KCNB2: variants seen among roughly 807,000 people sequenced by gnomAD.
KCNB2 encodes the protein delayed rectifier potassium channel protein.
In KCNB2, 15 loss-of-function variants were observed where a neutral mutation model predicts 61.5. The ratio of observed to expected loss-of-function variants is 0.24; its 90% CI spans 0.16 to 0.38. The LOEUF (loss-of-function observed/expected upper bound fraction) is 0.38. Ranked by LOEUF, KCNB2 falls within the 10% of genes least tolerant of loss-of-function variation. The probability of loss-of-function intolerance (pLI) is 1.00; values close to 1 mark genes in which losing one functional copy is unlikely to be tolerated. For synonymous variants in KCNB2, 457 were observed against 446.0 expected (o/e 1.02, Z -0.31); for missense variants, 828 against 1,125.2 (o/e 0.74, Z 3.78).
intron 2 of KCNB2, among the ~76,000 whole-genome samples, chr8:72,688,355 C>T (rs1806887775): frequency 6.6e-6 from 1 of 152,116 alleles, no homozygotes; most frequent in Admixed American, 6.5e-5. Flanking sequence ...CCAAGTGCAT[C>T]AAGCTGTTTC....
intron 2 of KCNB2, among the ~76,000 whole-genome samples, chr8:72,769,036 T>C (rs148339909): frequency 0.015 from 2,305 of 152,136 alleles, 76 homozygotes; most frequent in African/African-American, 0.053. Flanking sequence ...GGCACATGCC[T>C]GTAATCCCAG....
At chr8:72,915,844 G>A (rs561846644) in intron 2 of KCNB2, among the ~76,000 whole-genome samples, 38 of 152,126 alleles carry the variant, frequency 2.5e-4, no homozygotes, top group Non-Finnish European at 3.8e-4. Context: ...GCATGAACCC[G>A]GGAGGCGGAG....
At chr8:72,760,824 A>T (rs1397776706) in intron 2 of KCNB2, among the ~76,000 whole-genome samples, 1 of 152,130 alleles carries the variant, frequency 6.6e-6, no homozygotes, top group Non-Finnish European at 1.5e-5. Context: ...ATGGTACCAA[A>T]GTCCTGGACT....
chr8:72,858,813 C>T (rs1400173961), intron 2 of KCNB2, among the ~76,000 whole-genome samples: 3 of 152,198 alleles, frequency 2.0e-5, no homozygotes, highest in Non-Finnish European at 2.9e-5. Flanking sequence ...CTTCTCTCTT[C>T]CTCAATACAT....
chr8:72,864,555 A>G (rs1389981753), intron 2 of KCNB2, among the ~76,000 whole-genome samples: 1 of 152,214 alleles, frequency 6.6e-6, no homozygotes, highest in Non-Finnish European at 1.5e-5. Flanking sequence ...TACAGTGTAC[A>G]TGTGTCAGAG....
At chr8:72,926,027 T>C (rs34602788) in intron 2 of KCNB2, among the ~76,000 whole-genome samples, 42,531 of 152,060 alleles carry the variant, frequency 0.28, 7,562 homozygotes, top group Non-Finnish European at 0.4. Flanking sequence ...TTCTTACTTA[T>C]GAGTAGGAGC....
At chr8:72,646,326 G>A (rs1806128064) in intron 2 of KCNB2, among the ~76,000 whole-genome samples, 1 of 152,038 alleles carries the variant, frequency 6.6e-6, no homozygotes, top group African/African-American at 2.4e-5. Flanking sequence ...ATTATGAGAA[G>A]TCTAGTTAAG....
At chr8:72,854,501 G>A (rs939362956) in intron 2 of KCNB2, among the ~76,000 whole-genome samples, 4 of 152,168 alleles carry the variant, frequency 2.6e-5, no homozygotes, top group African/African-American at 7.2e-5. Context: ...CCAAGTATCT[G>A]CTAAGTGCAG....
chr8:72,804,576 T>C (rs1246426861), intron 2 of KCNB2, among the ~76,000 whole-genome samples: 3 of 152,214 alleles, frequency 2.0e-5, no homozygotes, highest in South Asian at 4.1e-4. Flanking sequence ...AATGTGTTTC[T>C]TCCTGGCTTT....
intron 2 of KCNB2, among the ~76,000 whole-genome samples, chr8:72,794,564 CAAAAAAAAAA>C (rs397892520): frequency 1.8e-5 from 1 of 56,964 alleles, no homozygotes. Flanking sequence ...GACTCCATCT[CAAAAAAAAAA>C]AAAAAAAAAA....
At chr8:72,776,043 C>T (rs796919967) in intron 2 of KCNB2, among the ~76,000 whole-genome samples, 2 of 152,068 alleles carry the variant, frequency 1.3e-5, no homozygotes, top group African/African-American at 4.8e-5. Context: ...AAATGTGGCA[C>T]ATATACACCA....
intron 2 of KCNB2, among the ~76,000 whole-genome samples, chr8:72,925,727 T>C (rs1407887132): frequency 6.6e-6 from 1 of 152,198 alleles, no homozygotes; most frequent in Admixed American, 6.5e-5. Flanking sequence ...TTTGATCCAG[T>C]AATCCCATTA....
At chr8:72,540,618 A>C (rs922620462) in intron 1 of KCNB2, among the ~76,000 whole-genome samples, 4 of 151,992 alleles carry the variant, frequency 2.6e-5, no homozygotes, top group Non-Finnish European at 4.4e-5. Flanking sequence ...CACATTCTAC[A>C]AGTATCTTTA....
intron 2 of KCNB2, among the ~76,000 whole-genome samples, chr8:72,776,491 G>A (rs929204252): frequency 6.6e-6 from 1 of 152,154 alleles, no homozygotes; most frequent in East Asian, 1.9e-4. Context: ...TGTTTGGTTT[G>A]TGTGGGCATT....
intron 2 of KCNB2, among the ~76,000 whole-genome samples, chr8:72,636,269 A>G (rs1333546890): frequency 4.6e-5 from 7 of 152,196 alleles, no homozygotes; most frequent in Admixed American, 3.9e-4. Context: ...AGAGTCCAGC[A>G]ATAAATCGTC....
At chr8:72,552,578 T>G (rs755323139) in intron 1 of KCNB2, among the ~76,000 whole-genome samples, 2 of 152,214 alleles carry the variant, frequency 1.3e-5, no homozygotes, top group African/African-American at 2.4e-5. Flanking sequence ...TGGTTTAAAT[T>G]TTAGACATAT....
chr8:72,838,795 A>T (rs1809828149), intron 2 of KCNB2, among the ~76,000 whole-genome samples: 1 of 83,824 alleles, frequency 1.2e-5, no homozygotes, highest in Admixed American at 1.4e-4. Context: ...GTTTTTCTGA[A>T]ATCTTGGTTA....
intron 2 of KCNB2, among the ~76,000 whole-genome samples, chr8:72,725,664 C>T (rs1807638384): frequency 7.0e-6 from 1 of 143,718 alleles, no homozygotes; most frequent in South Asian, 2.2e-4. Context: ...GAGAGAGAAA[C>T]TAAACTGCCT....
chr8:72,724,515 A>T (rs1807601719), intron 2 of KCNB2, among the ~76,000 whole-genome samples: 1 of 152,146 alleles, frequency 6.6e-6, no homozygotes, highest in African/African-American at 2.4e-5. Context: ...CCTTTATTTG[A>T]TTTCTTTTCC....
Sources: allele counts gnomAD v4.1 joint callset (sites outside exome capture counted in the v4.1 genomes callset), GRCh38; gene constraint gnomAD v4.1.1; transcripts MANE v1.5; gene names NCBI Gene and HGNC (gene_info 2026-07-23, HGNC 2026-07-21).